Variants in ADK observed in about 807,000 individuals in gnomAD.
The protein encoded by ADK is adenosine kinase.
Under a neutral mutation model 44.7 loss-of-function variants are expected in ADK, and 24 were observed. The ratio of observed to expected loss-of-function variants is 0.54; its 90% CI spans 0.39 to 0.76. ADK has a LOEUF of 0.76. ADK is among the 30% of genes least tolerant of loss of function. The pLI, the probability that ADK is intolerant of heterozygous loss-of-function variation, is 0.00. For missense variants in ADK, 321 were observed against 425.1 expected (o/e 0.76, Z 2.15); for synonymous variants, 128 against 142.6 (o/e 0.90, Z 0.73).
At chr10:74,637,315 C>T (rs918406477) in intron 9 of ADK, among the ~76,000 whole-genome samples, 2 of 151,200 alleles carry the variant, frequency 1.3e-5, no homozygotes, top group African/African-American at 2.4e-5. Flanking sequence ...AAATGACAAA[C>T]TTTAAAAGAA....
chr10:74,311,366 T>C (rs990731500), intron 3 of ADK, among the ~76,000 whole-genome samples: 2 of 152,206 alleles, frequency 1.3e-5, no homozygotes, highest in African/African-American at 4.8e-5. Flanking sequence ...ATTAAACGCT[T>C]ATTTGAAGAC....
chr10:74,602,428 A>G (rs1375658621), intron 9 of ADK, among the ~76,000 whole-genome samples: 2 of 152,124 alleles, frequency 1.3e-5, no homozygotes, highest in Admixed American at 6.6e-5. Context: ...CTTTGTGGAG[A>G]CATTCATTTT....
chr10:74,206,392 T>C (rs1843598380), intron 2 of ADK, among the ~76,000 whole-genome samples: 1 of 152,210 alleles, frequency 6.6e-6, no homozygotes, highest in African/African-American at 2.4e-5. Context: ...CAAGCTTTGA[T>C]TGGTGAGTGA....
chr10:74,552,987 G>T (rs889240330), intron 7 of ADK, among the ~76,000 whole-genome samples: 1 of 151,950 alleles, frequency 6.6e-6, no homozygotes, highest in African/African-American at 2.4e-5. Context: ...AGACCATGCA[G>T]TGGGACCACA....
chr10:74,296,906 G>T (rs1358082858), intron 3 of ADK, among the ~76,000 whole-genome samples: 1 of 151,988 alleles, frequency 6.6e-6, no homozygotes, highest in African/African-American at 2.4e-5. Flanking sequence ...GAGTCATCGC[G>T]CCCGGCCCTT....
intron 2 of ADK, among the ~76,000 whole-genome samples, chr10:74,205,173 C>A (rs1286256810): frequency 1.3e-5 from 2 of 151,452 alleles, no homozygotes; most frequent in Non-Finnish European, 2.9e-5. Flanking sequence ...CTATTCTTTC[C>A]TATGCTACTT....
chr10:74,266,055 A>T (rs1368682409), intron 3 of ADK, among the ~76,000 whole-genome samples: 2 of 152,172 alleles, frequency 1.3e-5, no homozygotes, highest in African/African-American at 4.8e-5. Flanking sequence ...TGATGTGTTG[A>T]TGTGTATGTA....
At chr10:74,584,299 T>C (rs1005378563) in intron 7 of ADK, among the ~76,000 whole-genome samples, 1 of 152,224 alleles carries the variant, frequency 6.6e-6, no homozygotes, top group African/African-American at 2.4e-5. Context: ...AAGTATTTCA[T>C]TTATTCCTAG....
intron 3 of ADK, among the ~76,000 whole-genome samples, chr10:74,272,948 T>G: frequency 6.6e-6 from 1 of 152,214 alleles, no homozygotes; most frequent in Non-Finnish European, 1.5e-5. Flanking sequence ...CTTGGGCTTT[T>G]GCCTTAAGCA....
intron 4 of ADK, among the ~76,000 whole-genome samples, chr10:74,317,939 G>A (rs1840681544): frequency 6.6e-6 from 1 of 151,914 alleles, no homozygotes; most frequent in Non-Finnish European, 1.5e-5. Flanking sequence ...ATGCCACAAA[G>A]CCCAGCTAAT....
intron 6 of ADK, among the ~76,000 whole-genome samples, chr10:74,425,173 A>G (rs1844747500): frequency 6.6e-6 from 1 of 152,230 alleles, no homozygotes; most frequent in Non-Finnish European, 1.5e-5. Flanking sequence ...AACACATTCA[A>G]ATAAATGTTG....
At chr10:74,602,373 A>T (rs774516322) in intron 9 of ADK, among the ~76,000 whole-genome samples, 1 of 152,142 alleles carries the variant, frequency 6.6e-6, no homozygotes, top group Non-Finnish European at 1.5e-5. Flanking sequence ...TTCTTATAGG[A>T]ATTGTAGTAC....
intron 3 of ADK, among the ~76,000 whole-genome samples, chr10:74,285,191 A>G (rs1397473019): frequency 6.6e-6 from 1 of 152,214 alleles, no homozygotes. Flanking sequence ...CTAAGAGCAT[A>G]GAGGAGGGAT....
chr10:74,383,118 A>G (rs1269551315), intron 4 of ADK, among the ~76,000 whole-genome samples: 1 of 152,058 alleles, frequency 6.6e-6, no homozygotes, highest in African/African-American at 2.4e-5. Flanking sequence ...TACTGCTACA[A>G]TAATTACAAC....
At chr10:74,511,118 A>T (rs193237112) in intron 6 of ADK, among the ~76,000 whole-genome samples, 1 of 152,206 alleles carries the variant, frequency 6.6e-6, no homozygotes, top group Non-Finnish European at 1.5e-5. Flanking sequence ...TGAACAGACT[A>T]TTCATTCCCC....
At chr10:74,444,960 A>C (rs1241474892) in intron 6 of ADK, among the ~76,000 whole-genome samples, 1 of 152,068 alleles carries the variant, frequency 6.6e-6, no homozygotes, top group Admixed American at 6.6e-5. Context: ...AGGTTAGAAA[A>C]GAAGCAGTAA....
intron 3 of ADK, among the ~76,000 whole-genome samples, chr10:74,302,579 G>A (rs1840096067): frequency 1.3e-5 from 2 of 152,008 alleles, no homozygotes; most frequent in Admixed American, 6.6e-5. Context: ...GCTCACTTGA[G>A]TCCAGGAGTT....
rs1232374184 is a variant in ADK at position 74,328,396 on chromosome 10, A to G, written c.273+13651A>G. 8.2e-4 allele frequency among the ~76,000 whole-genome samples: 18 copies of G among 21,998 alleles called. No individual in the cohort carries two copies. In the East Asian group the frequency reaches 9.2e-3, roughly 11 times the overall value. The allele number at this position is 21,998 out of a possible 152,430, so 14.4% of individuals were successfully genotyped here. On this transcript the variant is annotated intron_variant, in intron 4 of 10. Coordinates refer to ENST00000539909, the MANE Select transcript of ADK (RefSeq NM_006721.4). Reference sequence around the variant, plus strand: ...TTCCCACTCATTTTTTCCACCATAGAAAACTTGCATCCAGGGGACTTCTGC... The same window carrying G: ...TTCCCACTCATTTTTTCCACCATAGGAAACTTGCATCCAGGGGACTTCTGC...
intron 6 of ADK, among the ~76,000 whole-genome samples, chr10:74,498,710 G>T: frequency 6.6e-6 from 1 of 152,046 alleles, no homozygotes; most frequent in Admixed American, 6.5e-5. Flanking sequence ...TGTGTGTGTT[G>T]TTCCCCTTCC....
Sources: gnomAD v4.1 joint callset for allele counts (sites outside exome capture counted in the v4.1 genomes callset) on GRCh38, gnomAD v4.1.1 for gene constraint, MANE v1.5 for transcripts, NCBI Gene and HGNC (gene_info 2026-07-23, HGNC 2026-07-21) for gene names.